The following SGCZ variants were observed in gnomAD, a reference collection of about 807,000 sequenced individuals.
The protein encoded by SGCZ is sarcoglycan zeta, also known as zeta-sarcoglycan.
SGCZ carries 40 observed loss-of-function variants against 41.3 expected under a neutral mutation model. The ratio of observed to expected loss-of-function variants is 0.97; its 90% CI spans 0.75 to 1.26. The LOEUF (loss-of-function observed/expected upper bound fraction) is 1.26. SGCZ is among the 50% of genes most tolerant of loss of function. The pLI is 0.00. For synonymous variants in SGCZ, 206 were observed against 137.5 expected (o/e 1.50, Z -3.49); for missense variants, 552 against 369.8 (o/e 1.49, Z -4.04).
rs181486237 is a variant in SGCZ, at chr8:14,088,643, T to C, written c.*1800A>G. Among the ~76,000 whole-genome samples, 459 of 151,982 alleles carry C rather than the reference T, an allele frequency of 3.0e-3. 2 individuals are homozygous for C. Among genetic ancestry groups the C allele is most frequent in the Non-Finnish European group, 4.6e-3 (311 of 67,870 alleles). On this transcript the variant is annotated 3_prime_UTR_variant, in exon 8 of 8. Coordinates refer to ENST00000382080, the MANE Select transcript of SGCZ (RefSeq NM_139167.4). ...TTCAATATTGATTTAAAAAGTTATATAATAACACCCAAATATAATCACATT... is the reference window on the plus strand; with the variant it reads ...TTCAATATTGATTTAAAAAGTTATACAATAACACCCAAATATAATCACATT...
At chr8:14,891,637 G>A (rs949355836) in intron 1 of SGCZ, among the ~76,000 whole-genome samples, 1 of 152,190 alleles carries the variant, frequency 6.6e-6, no homozygotes, top group African/African-American at 2.4e-5. Flanking sequence ...TAAAGCAGAG[G>A]GAGGTCTGGA....
intron 1 of SGCZ, among the ~76,000 whole-genome samples, chr8:14,825,301 T>C (rs1352692213): frequency 2.0e-5 from 3 of 152,194 alleles, no homozygotes; most frequent in African/African-American, 7.2e-5. Flanking sequence ...TATCGTCACT[T>C]ATCTCTCACT....
At chr8:14,898,131 T>G (rs900304451) in intron 1 of SGCZ, among the ~76,000 whole-genome samples, 5 of 152,072 alleles carry the variant, frequency 3.3e-5, no homozygotes. Context: ...CAACATTTTT[T>G]GCAGAGACAG....
chr8:14,969,857 G>A (rs1426143594), intron 1 of SGCZ, among the ~76,000 whole-genome samples: 1 of 151,984 alleles, frequency 6.6e-6, no homozygotes, highest in Non-Finnish European at 1.5e-5. Flanking sequence ...TCTACGTATG[G>A]AGATACTTTC....
chr8:14,592,502 T>C (rs959653557), intron 1 of SGCZ, among the ~76,000 whole-genome samples: 2 of 152,158 alleles, frequency 1.3e-5, no homozygotes, highest in Non-Finnish European at 2.9e-5. Context: ...CTTCCAAGTT[T>C]TTATGCTCAA....
chr8:14,687,472 A>G (rs1198285884), intron 1 of SGCZ, among the ~76,000 whole-genome samples: 209 of 151,494 alleles, frequency 1.4e-3, no homozygotes, highest in African/African-American at 4.6e-3. Context: ...GCGAAAGTTT[A>G]CTGAGAATGA....
intron 4 of SGCZ, among the ~76,000 whole-genome samples, chr8:14,214,101 T>C (rs1805910548): frequency 6.6e-6 from 1 of 152,124 alleles, no homozygotes; most frequent in Non-Finnish European, 1.5e-5. Flanking sequence ...CCACCAAGTA[T>C]TAATTCATGT....
chr8:14,961,327 T>C (rs911043049), intron 1 of SGCZ, among the ~76,000 whole-genome samples: 4 of 152,152 alleles, frequency 2.6e-5, no homozygotes, highest in African/African-American at 9.7e-5. Flanking sequence ...CTTGGAAACA[T>C]CTTGGAAAAT....
intron 6 of SGCZ, among the ~76,000 whole-genome samples, chr8:14,106,983 G>C (rs543008463): frequency 6.6e-6 from 1 of 152,124 alleles, no homozygotes; most frequent in Non-Finnish European, 1.5e-5. Flanking sequence ...TTGGGAGGCC[G>C]AGGAGGGCGG....
At chr8:14,558,968 A>T (rs1306145403) in intron 1 of SGCZ, among the ~76,000 whole-genome samples, 4 of 152,064 alleles carry the variant, frequency 2.6e-5, no homozygotes, top group Non-Finnish European at 5.9e-5. Flanking sequence ...CTGGCACAGA[A>T]GGGACATACC....
chr8:14,303,742 A>G (rs2116978555), intron 3 of SGCZ, among the ~76,000 whole-genome samples: 1 of 152,134 alleles, frequency 6.6e-6, no homozygotes, highest in Non-Finnish European at 1.5e-5. Context: ...ATAGATATCA[A>G]AATATCAAAT....
intron 5 of SGCZ, among the ~76,000 whole-genome samples, chr8:14,160,351 T>C (rs1804002387): frequency 6.6e-6 from 1 of 152,232 alleles, no homozygotes; most frequent in African/African-American, 2.4e-5. Flanking sequence ...TGATTGATTC[T>C]GCCTGAAAGC....
At chr8:14,328,943 G>C (rs1249026722) in intron 2 of SGCZ, among the ~76,000 whole-genome samples, 1 of 152,156 alleles carries the variant, frequency 6.6e-6, no homozygotes, top group Non-Finnish European at 1.5e-5. Flanking sequence ...CCCTCTGGAG[G>C]ACACAGCAAC....
At chr8:15,137,177 C>A (rs1563145048) in intron 1 of SGCZ, among the ~76,000 whole-genome samples, 1 of 151,884 alleles carries the variant, frequency 6.6e-6, no homozygotes, top group African/African-American at 2.4e-5. Context: ...TATGTTTTAG[C>A]AAAGAGACTG....
intron 1 of SGCZ, among the ~76,000 whole-genome samples, chr8:15,163,199 A>C (rs1258185980): frequency 6.6e-6 from 1 of 152,198 alleles, no homozygotes; most frequent in East Asian, 1.9e-4. Flanking sequence ...GCTTATACTT[A>C]TATAACATTT....
At position 14,975,072 on chromosome 8, in the gene SGCZ, C is replaced by T. The variant is rs558832477; in HGVS notation, c.39+262513G>A. Among the ~76,000 whole-genome samples the T allele has an allele frequency of 4.1e-4, 62 of 151,910 alleles. 1 individual carries two copies. In the South Asian group the frequency reaches 5.8e-3, roughly 14 times the overall value. ...CTCGGATCCCAGCACTTTGGGAGGC[C>T]GAGGCAGGCAGATCACAAGGTCAGG... On this transcript the variant is annotated intron_variant, in intron 1 of 7. Transcript: ENST00000382080.
intron 1 of SGCZ, among the ~76,000 whole-genome samples, chr8:15,189,769 T>C (rs1168339011): frequency 6.6e-6 from 1 of 152,168 alleles, no homozygotes; most frequent in South Asian, 2.1e-4. Flanking sequence ...CAGGCTGGTG[T>C]TGAACTCCTG....
At chr8:15,115,591 G>A (rs1306083480) in intron 1 of SGCZ, among the ~76,000 whole-genome samples, 3 of 152,148 alleles carry the variant, frequency 2.0e-5, no homozygotes, top group African/African-American at 7.2e-5. Context: ...ACAAATATGG[G>A]CTGTATCATC....
At chr8:14,909,021 C>T (rs1799203636) in intron 1 of SGCZ, among the ~76,000 whole-genome samples, 3 of 152,094 alleles carry the variant, frequency 2.0e-5, no homozygotes, top group African/African-American at 2.4e-5. Flanking sequence ...GACATAAAAT[C>T]GGGACTCTAA....
Sources: gnomAD v4.1 joint callset for allele counts (sites outside exome capture counted in the v4.1 genomes callset) on GRCh38, gnomAD v4.1.1 for gene constraint, MANE v1.5 for transcripts, NCBI Gene and HGNC (gene_info 2026-07-23, HGNC 2026-07-21) for gene names.